Variants in PLCL2 observed in about 807,000 individuals in gnomAD.
PLCL2 encodes the protein phospholipase C like 2.
PLCL2 carries 4 observed loss-of-function variants against 79.6 expected under a neutral mutation model. The ratio of observed to expected loss-of-function variants is 0.05; its 90% CI spans 0.02 to 0.11. The LOEUF (loss-of-function observed/expected upper bound fraction) is 0.11. Among genes scored for constraint, PLCL2 ranks in the 10% least tolerant of loss-of-function variants. The pLI is 1.00. For synonymous variants in PLCL2, 484 were observed against 457.7 expected (o/e 1.06, Z -0.73); for missense variants, 895 against 1,291.0 (o/e 0.69, Z 4.70).
At chr3:17,046,577 A>AAAGATGGTGAATTAAC (rs1270714556) in intron 4 of PLCL2, among the ~76,000 whole-genome samples, 5 of 152,240 alleles carry the variant, frequency 3.3e-5, no homozygotes, top group Non-Finnish European at 5.9e-5. Context: ...ACATCCTGTT[A>AAAGATGGTGAATTAAC]AAGATGGTGA....
intron 1 of PLCL2, among the ~76,000 whole-genome samples, chr3:16,905,817 T>G (rs1357180830): frequency 6.6e-6 from 1 of 152,200 alleles, no homozygotes; most frequent in Non-Finnish European, 1.5e-5. Flanking sequence ...ATTAGTTGTG[T>G]ACCCCAATCT....
intron 1 of PLCL2, among the ~76,000 whole-genome samples, chr3:16,901,344 G>A (rs1696614739): frequency 6.6e-6 from 1 of 152,204 alleles, no homozygotes; most frequent in Non-Finnish European, 1.5e-5. Context: ...TGGTGCTGAT[G>A]AGGTCAAGGT....
In PLCL2 at chr3:16,886,513, T is replaced by C. The variant is rs1172689182; in HGVS notation, c.327+1147T>C. On this transcript the variant is annotated intron_variant, in intron 1 of 5. Transcript: ENST00000615277. The surrounding 1 kb of genome is among the most constrained non-coding windows in gnomAD (Gnocchi z 4.2). Reference sequence around the variant, plus strand: ...CTGATGGTGTTATCAACTTATGCAGTAATCTAGTGAAATATACCATCTTGC... The same window carrying C: ...CTGATGGTGTTATCAACTTATGCAGCAATCTAGTGAAATATACCATCTTGC... Among the ~76,000 whole-genome samples, 2 of 152,334 alleles carry C rather than the reference T, an allele frequency of 1.3e-5. No individual in the cohort carries two copies. The highest frequency in any genetic ancestry group is 4.8e-5 in the African/African-American group (2 of 41,570).
intron 5 of PLCL2, among the ~76,000 whole-genome samples, chr3:17,080,582 C>A (rs1387731035): frequency 6.6e-6 from 1 of 152,132 alleles, no homozygotes; most frequent in African/African-American, 2.4e-5. Flanking sequence ...TCCCGAGTAG[C>A]TGGGATTACA....
At chr3:16,998,684 A>G (rs1368669928) in intron 1 of PLCL2, among the ~76,000 whole-genome samples, 1 of 152,188 alleles carries the variant, frequency 6.6e-6, no homozygotes, top group Non-Finnish European at 1.5e-5. Flanking sequence ...GTGGCTTTAT[A>G]TATTTACTTT....
intron 5 of PLCL2, among the ~76,000 whole-genome samples, chr3:17,086,827 G>T (rs1296534929): frequency 6.6e-6 from 1 of 152,158 alleles, no homozygotes; most frequent in Non-Finnish European, 1.5e-5. Flanking sequence ...CAACAGTAAG[G>T]AAACAACCTG....
chr3:17,042,998 A>G (rs372660966), intron 4 of PLCL2, 49 bp downstream of exon 4: 1 of 1,210,142 alleles, frequency 8.3e-7, no homozygotes, highest in Middle Eastern at 1.9e-4. Flanking sequence ...ATAGCATCAT[A>G]TACTTTGCCC....
chr3:17,028,302 A>T (rs2064540560), intron 3 of PLCL2, among the ~76,000 whole-genome samples: 1 of 152,068 alleles, frequency 6.6e-6, no homozygotes, highest in Admixed American at 6.5e-5. Flanking sequence ...AAAGGAAGGG[A>T]TTATAAAAGT....
At chr3:17,000,842 A>G (rs778523003) in intron 1 of PLCL2, among the ~76,000 whole-genome samples, 1 of 152,132 alleles carries the variant, frequency 6.6e-6, no homozygotes, top group East Asian at 1.9e-4. Context: ...TCTTAGATTG[A>G]GTCCATATTT....
chr3:17,089,686 T>G, intron 5 of PLCL2, 47 bp from the exon 6 acceptor site: 1 of 1,101,992 alleles, frequency 9.1e-7, no homozygotes, highest in Non-Finnish European at 1.3e-6. Flanking sequence ...AGTATAACAC[T>G]AAGTTATGTC....
intron 4 of PLCL2, among the ~76,000 whole-genome samples, chr3:17,063,773 A>T (rs2064981003): frequency 6.6e-6 from 1 of 152,092 alleles, no homozygotes; most frequent in Non-Finnish European, 1.5e-5. Context: ...CTGCTTGCCC[A>T]CCCACAGCTC....
intron 5 of PLCL2, among the ~76,000 whole-genome samples, chr3:17,086,819 A>G (rs1296006943): frequency 3.9e-5 from 6 of 152,194 alleles, no homozygotes; most frequent in Admixed American, 3.3e-4. Context: ...TTAAAACTCA[A>G]CAGTAAGGAA....
intron 1 of PLCL2, among the ~76,000 whole-genome samples, chr3:16,946,100 T>A (rs1217964017): frequency 1.3e-5 from 2 of 152,116 alleles, no homozygotes; most frequent in African/African-American, 4.8e-5. Context: ...TGAGTCTAAG[T>A]CAAGAATCTT....
intron 1 of PLCL2, among the ~76,000 whole-genome samples, chr3:16,994,035 G>A (rs1304252032): frequency 6.6e-6 from 1 of 152,170 alleles, no homozygotes; most frequent in East Asian, 1.9e-4. Context: ...ACAGCAGTGA[G>A]GCCTGGTAAT....
Position 17,058,349 on chromosome 3 carries a change from GT to G in PLCL2, c.3095-9605del, listed in dbSNP as rs536574531. On this transcript the variant is annotated intron_variant, in intron 4 of 5. Coordinates refer to ENST00000615277, the MANE Select transcript of PLCL2 (RefSeq NM_001144382.2). ...ATAATATTAAGCAAACAAATTTGGT[GT>G]TAGACTGCATGTAAAAGAATTTCGT... is the stretch of plus-strand genomic sequence containing the variant. Among the ~76,000 whole-genome samples the G allele has an allele frequency of 8.5e-4, 129 of 152,328 alleles. 1 individual carries two copies. The highest frequency in any genetic ancestry group is 3.0e-3 in the African/African-American group (124 of 41,570).
chr3:16,905,595 A>C (rs1451094834), intron 1 of PLCL2, among the ~76,000 whole-genome samples: 2 of 152,246 alleles, frequency 1.3e-5, no homozygotes, highest in Non-Finnish European at 2.9e-5. Flanking sequence ...AAAGGAAATA[A>C]ATTTCCAATG....
At chr3:16,895,933 G>T (rs143248822) in intron 1 of PLCL2, among the ~76,000 whole-genome samples, 1 of 152,296 alleles carries the variant, frequency 6.6e-6, no homozygotes, top group East Asian at 1.9e-4. Context: ...TATAATAGTG[G>T]TTACACTTGG....
chr3:17,025,041 A>G (rs1320914236), intron 3 of PLCL2, among the ~76,000 whole-genome samples: 4 of 152,132 alleles, frequency 2.6e-5, no homozygotes, highest in Admixed American at 6.6e-5. Flanking sequence ...ATACACCTTT[A>G]CTGTTGAATT....
Position 16,885,059 on chromosome 3 carries a change from G to T in PLCL2, c.20G>T (p.Gly7Val), listed in dbSNP as rs372006934. ...GCGCCCATGGCGGAGTGCGGCCGGG[G>T]GGGCGCCGCCGGCGGGGCCCTGCCC... The part of the protein sequence containing the change: MAECGR[G>V]GAAGGALPTS... The change falls in exon 1 of 6, where the codon GGG becomes GTG. Residue 7 changes from glycine to valine, a missense_variant. By Grantham distance (109) the Gly-to-Val change is moderately radical. This residue lies in a region of PLCL2 where 110 missense variants were observed against 42.9 expected (regional missense o/e 2.56). Transcript: ENST00000615277. 1 of 373,650 alleles carries T rather than the reference G, an allele frequency of 2.7e-6. No homozygotes were observed. The highest frequency in any genetic ancestry group is 4.6e-5 in the Admixed American group (1 of 21,614). 23.1% of individuals were successfully genotyped at this position (373,650 alleles called of 1,614,324 possible).
Sources: gnomAD v4.1 joint callset for allele counts (sites outside exome capture counted in the v4.1 genomes callset) on GRCh38, gnomAD v4.1.1 for gene constraint, gnomAD v4.1.1 regional missense constraint, Gnocchi (gnomAD v3.1) non-coding constraint, MANE v1.5 for transcripts, NCBI Gene and HGNC (gene_info 2026-07-23, HGNC 2026-07-21) for gene names.